SNX29: variants seen among roughly 807,000 people sequenced by gnomAD.
SNX29 encodes sorting nexin-29.
SNX29 carries 78 observed loss-of-function variants against 102.1 expected under a neutral mutation model. The ratio of observed to expected loss-of-function variants is 0.76; its 90% CI spans 0.64 to 0.92. SNX29 has a LOEUF of 0.92. SNX29 is among the 40% of genes least tolerant of loss of function. The pLI is 0.00. For synonymous variants in SNX29, 580 were observed against 414.5 expected, an observed-to-expected ratio of 1.40 and a Z score of -4.85; for missense variants, 1,280 against 1,061.7, an observed-to-expected ratio of 1.21 and a Z score of -2.86.
intron 18 of SNX29, among the ~76,000 whole-genome samples, chr16:12,451,485 C>G (rs1177655902): frequency 6.6e-6 from 1 of 152,228 alleles, no homozygotes; most frequent in African/African-American, 2.4e-5. Context: ...CTGCTCTGTT[C>G]TATTTACCAA....
intron 11 of SNX29, among the ~76,000 whole-genome samples, chr16:12,110,297 C>A (rs1233218657): frequency 6.6e-6 from 1 of 152,130 alleles, no homozygotes; most frequent in Non-Finnish European, 1.5e-5. Context: ...GCAGCCCTTC[C>A]TCCCATGTGT....
At chr16:12,346,415 C>T (rs771682150) in intron 15 of SNX29, among the ~76,000 whole-genome samples, 8 of 152,066 alleles carry the variant, frequency 5.3e-5, no homozygotes, top group Non-Finnish European at 8.8e-5. Flanking sequence ...ACATTTGCAT[C>T]GTTGTTAATG....
intron 18 of SNX29, among the ~76,000 whole-genome samples, chr16:12,467,639 C>T (rs1414465428): frequency 7.4e-6 from 1 of 136,030 alleles, no homozygotes; most frequent in African/African-American, 3.4e-5. Flanking sequence ...TTCGTTCGTT[C>T]ATTCATTCAT....
intron 13 of SNX29, among the ~76,000 whole-genome samples, chr16:12,162,478 G>A (rs999889804): frequency 2.6e-5 from 4 of 152,212 alleles, no homozygotes; most frequent in African/African-American, 9.6e-5. Context: ...AACTACTGAA[G>A]TCTGCTGTTG....
chr16:12,540,771 AGAGTGTCAGGTGCT>A (rs1179766719), intron 20 of SNX29, among the ~76,000 whole-genome samples: 1 of 152,188 alleles, frequency 6.6e-6, no homozygotes, highest in African/African-American at 2.4e-5. Flanking sequence ...CACCTCCCCT[AGAGTGTCAGGTGCT>A]TGAGGACTGC....
chr16:12,539,950 G>A (rs2077251349), intron 20 of SNX29, among the ~76,000 whole-genome samples: 1 of 152,098 alleles, frequency 6.6e-6, no homozygotes, highest in Non-Finnish European at 1.5e-5. Flanking sequence ...CAAGACCTTT[G>A]TCGAACATGT....
intron 19 of SNX29, among the ~76,000 whole-genome samples, chr16:12,521,225 C>G (rs1208009842): frequency 6.6e-6 from 1 of 152,042 alleles, no homozygotes; most frequent in African/African-American, 2.4e-5. Flanking sequence ...TTCATGTAAC[C>G]AGAAATCACC....
At chr16:12,215,110 T>C (rs932790937) in intron 14 of SNX29, among the ~76,000 whole-genome samples, 1 of 152,120 alleles carries the variant, frequency 6.6e-6, no homozygotes, top group Non-Finnish European at 1.5e-5. Flanking sequence ...TTAAGCACCA[T>C]TGCTAGACCC....
At chr16:12,039,725 T>A (rs1328381458) in intron 4 of SNX29, among the ~76,000 whole-genome samples, 3 of 152,220 alleles carry the variant, frequency 2.0e-5, no homozygotes, top group Non-Finnish European at 2.9e-5. Context: ...CGTGATCATT[T>A]TGAAGAAGGC....
intron 11 of SNX29, among the ~76,000 whole-genome samples, chr16:12,101,363 C>A (rs2053008447): frequency 7.1e-6 from 1 of 140,922 alleles, no homozygotes; most frequent in Non-Finnish European, 1.5e-5. Flanking sequence ...CTTCCTCCTA[C>A]TAAATGGTTG....
chr16:12,489,372 G>A (rs1368838707), intron 19 of SNX29, among the ~76,000 whole-genome samples: 1 of 152,106 alleles, frequency 6.6e-6, no homozygotes, highest in African/African-American at 2.4e-5. Flanking sequence ...CCCCAGGCTG[G>A]AGGAATCCTC....
intron 11 of SNX29, among the ~76,000 whole-genome samples, chr16:12,121,403 T>C (rs897830950): frequency 2.0e-5 from 3 of 152,274 alleles, no homozygotes; most frequent in African/African-American, 7.2e-5. Flanking sequence ...TGGCCATTTG[T>C]GCATGACTGC....
chr16:12,327,293 G>A (rs946246126), intron 15 of SNX29, among the ~76,000 whole-genome samples: 2 of 152,116 alleles, frequency 1.3e-5, no homozygotes, highest in African/African-American at 2.4e-5. Context: ...AGCAGGATGG[G>A]CGTCCTGTAG....
At chr16:12,310,120 G>GCA (rs3971211) in intron 15 of SNX29, among the ~76,000 whole-genome samples, 89,231 of 151,776 alleles carry the variant, frequency 0.59, 27,044 homozygotes, top group African/African-American at 0.71. Context: ...ACACGTGCAC[G>GCA]CACACATGCA....
chr16:12,534,742 A>G (rs2077025086), intron 20 of SNX29, among the ~76,000 whole-genome samples: 1 of 152,170 alleles, frequency 6.6e-6, no homozygotes. Context: ...TGCCCTACTA[A>G]ACCCAAGTGG....
chr16:12,342,996 C>G (rs1402112474), intron 15 of SNX29, among the ~76,000 whole-genome samples: 3 of 152,202 alleles, frequency 2.0e-5, no homozygotes, highest in African/African-American at 7.2e-5. Flanking sequence ...GAAAGAGACT[C>G]TCAAAGGAAA....
intron 4 of SNX29, among the ~76,000 whole-genome samples, chr16:12,038,970 G>A (rs2057554307): frequency 6.6e-6 from 1 of 152,186 alleles, no homozygotes; most frequent in African/African-American, 2.4e-5. Context: ...TAGACTGATC[G>A]GATGAGCTTG....
intron 19 of SNX29, among the ~76,000 whole-genome samples, chr16:12,517,589 C>G (rs2089920725): frequency 6.6e-6 from 1 of 152,212 alleles, no homozygotes; most frequent in Non-Finnish European, 1.5e-5. Context: ...GGTATTTGTT[C>G]TCTCAACAAA....
intron 11 of SNX29, among the ~76,000 whole-genome samples, chr16:12,101,032 C>A (rs1596883326): frequency 6.6e-6 from 1 of 152,162 alleles, no homozygotes; most frequent in East Asian, 1.9e-4. Context: ...TCTCAATTCC[C>A]AGGACGAAGA....
Sources: allele counts gnomAD v4.1 joint callset (sites outside exome capture counted in the v4.1 genomes callset), GRCh38; gene constraint gnomAD v4.1.1; transcripts MANE v1.5; gene names NCBI Gene and HGNC (gene_info 2026-07-23, HGNC 2026-07-21).